Variants in CTDSPL observed in about 807,000 individuals in gnomAD.
CTDSPL encodes the protein CTD small phosphatase like, also known as CTD small phosphatase-like protein.
Under a neutral mutation model 30.5 loss-of-function variants are expected in CTDSPL, and 8 were observed. That is an observed-to-expected ratio of 0.26 (90% CI 0.15 to 0.47). The LOEUF is 0.47. Ranked by LOEUF, CTDSPL falls within the 20% of genes least tolerant of loss-of-function variation. The pLI is 0.99. For synonymous variants in CTDSPL, 110 were observed against 137.9 expected (o/e 0.80, Z 1.42); for missense variants, 248 against 366.1 (o/e 0.68, Z 2.63).
Position 37,917,463 on chromosome 3 carries a change from A to G in CTDSPL, c.80-29594A>G, listed in dbSNP as rs142624602. On this transcript the variant is annotated intron_variant, in intron 1 of 7. Transcript: ENST00000273179. ...AGTGTTAGGCACTTTCGTTGTAATT[A>G]TTTAGAAAATTGTCTGCTGATAAAT... Among the ~76,000 whole-genome samples the G allele has an allele frequency of 7.2e-4, 110 of 152,342 alleles. 1 individual carries two copies. The highest frequency in any genetic ancestry group is 2.3e-3 in the African/African-American group (97 of 41,582).
chr3:37,899,738 T>G lies in CTDSPL; in HGVS notation c.79+37460T>G, dbSNP rs529995034. On this transcript the variant is annotated intron_variant, in intron 1 of 7. Transcript: ENST00000273179. ...CCTTGAGTCCCAAAGACTCTTCAAT[T>G]GCATTCACAGGCTATGTAGGCAGTT... is the stretch of plus-strand genomic sequence containing the variant. Among the ~76,000 whole-genome samples, 47 of 152,294 alleles carry G rather than the reference T, an allele frequency of 3.1e-4. 1 individual carries two copies. The South Asian group carries it at 6.4e-3, about 21-fold the overall frequency.
chr3:37,904,268 G>C (rs1246203310), intron 1 of CTDSPL, among the ~76,000 whole-genome samples: 1 of 152,184 alleles, frequency 6.6e-6, no homozygotes, highest in African/African-American at 2.4e-5. Flanking sequence ...TTCTTTTCTT[G>C]GCTATTTAGC....
intron 1 of CTDSPL, among the ~76,000 whole-genome samples, chr3:37,915,090 T>C (rs1475193679): frequency 6.6e-6 from 1 of 152,000 alleles, no homozygotes; most frequent in Non-Finnish European, 1.5e-5. Context: ...AACATTGTTA[T>C]TTGTTCTTTA....
rs781615830 is a variant in CTDSPL, at chr3:37,982,128, A to G, written c.*1261A>G. ...GTCAGTATCAGATCCTGTTTGATAAATAAGCTGACTGTTCTCTCTTGAGAA... is the reference window on the plus strand; with the variant it reads ...GTCAGTATCAGATCCTGTTTGATAAGTAAGCTGACTGTTCTCTCTTGAGAA... On this transcript the variant is annotated 3_prime_UTR_variant, in exon 8 of 8. Coordinates refer to ENST00000273179, the MANE Select transcript of CTDSPL (RefSeq NM_001008392.2). 44 of 324,562 alleles carry G rather than the reference A, an allele frequency of 1.4e-4. No individual in the cohort carries two copies. The highest frequency in any genetic ancestry group is 2.3e-4 in the Non-Finnish European group (38 of 164,582). 20.1% of individuals were successfully genotyped at this position (324,562 alleles called of 1,614,324 possible). A position where few individuals can be genotyped will look rare whatever the true frequency, so the allele number is the denominator to read the frequency against.
chr3:37,971,001 C>T (rs144725292), intron 5 of CTDSPL, among the ~76,000 whole-genome samples: 5 of 152,346 alleles, frequency 3.3e-5, no homozygotes, highest in Non-Finnish European at 5.9e-5. Flanking sequence ...GGGCCTGGAC[C>T]TCTGAAAGGA....
At chr3:37,951,002 A>G (rs1336896712) in intron 2 of CTDSPL, among the ~76,000 whole-genome samples, 1 of 152,196 alleles carries the variant, frequency 6.6e-6, no homozygotes. Flanking sequence ...TAGATATGTA[A>G]TGATTCAGAG....
chr3:37,934,282 G>A (rs1698889687), intron 1 of CTDSPL, among the ~76,000 whole-genome samples: 1 of 151,154 alleles, frequency 6.6e-6, no homozygotes. Context: ...AGCCATGATT[G>A]CACCACACAC....
chr3:37,977,532 C>T (rs972727565), intron 7 of CTDSPL, among the ~76,000 whole-genome samples: 4 of 151,414 alleles, frequency 2.6e-5, no homozygotes, highest in Non-Finnish European at 4.4e-5. Context: ...ACCTTATATC[C>T]TCTAAACAAG....
intron 6 of CTDSPL, among the ~76,000 whole-genome samples, chr3:37,973,429 T>G (rs957667226): frequency 2.0e-5 from 3 of 152,280 alleles, no homozygotes; most frequent in African/African-American, 4.8e-5. Context: ...TTACTCTTCC[T>G]GGATGGCTCC....
chr3:37,911,438 A>G (rs1698581772), intron 1 of CTDSPL, among the ~76,000 whole-genome samples: 1 of 152,188 alleles, frequency 6.6e-6, no homozygotes, highest in Admixed American at 6.5e-5. Context: ...GAAAATTAAG[A>G]GCAGGGCCTG....
chr3:37,911,344 A>C (rs916511226), intron 1 of CTDSPL, among the ~76,000 whole-genome samples: 1 of 152,196 alleles, frequency 6.6e-6, no homozygotes, highest in Non-Finnish European at 1.5e-5. Context: ...TTTAAGTAAC[A>C]ATTTTCATTG....
chr3:37,894,019 A>T (rs1212299878), intron 1 of CTDSPL, among the ~76,000 whole-genome samples: 1 of 152,212 alleles, frequency 6.6e-6, no homozygotes, highest in Non-Finnish European at 1.5e-5. Context: ...ATGTAAACTT[A>T]ATGTAAAGTT....
At chr3:37,964,145 C>T (rs1699273511) in intron 3 of CTDSPL, among the ~76,000 whole-genome samples, 1 of 140,392 alleles carries the variant, frequency 7.1e-6, no homozygotes, top group Admixed American at 7.6e-5. Context: ...CCCCACGAAA[C>T]AGACCTCCAT....
intron 1 of CTDSPL, among the ~76,000 whole-genome samples, chr3:37,928,551 C>G (rs1160730289): frequency 6.6e-6 from 1 of 152,242 alleles, no homozygotes; most frequent in East Asian, 1.9e-4. Context: ...CTATGCCAGT[C>G]CTTTGCCCAT....
chr3:37,882,449 A>AC lies in CTDSPL; in HGVS notation c.79+20171_79+20172insC, dbSNP rs1307129475. 2.1e-3 allele frequency among the ~76,000 whole-genome samples: 315 copies of AC among 151,154 alleles called. 1 individual carries two copies. Among genetic ancestry groups the AC allele is most frequent in the African/African-American group, 7.3e-3 (300 of 41,116 alleles). On this transcript the variant is annotated intron_variant, in intron 1 of 7. Coordinates refer to ENST00000273179, the MANE Select transcript of CTDSPL (RefSeq NM_001008392.2). ...AGAGCAAGACTCTAACTCAAAAAAA[A>AC]AAAAAAAAAATTCAAAAATTAGCAG...
intron 1 of CTDSPL, among the ~76,000 whole-genome samples, chr3:37,936,670 A>AAG (rs1437174059): frequency 6.6e-6 from 1 of 151,728 alleles, no homozygotes; most frequent in African/African-American, 2.4e-5. Context: ...AAAAAAAAAA[A>AAG]AAAAAAAAAA....
chr3:37,959,269 T>C, intron 3 of CTDSPL, among the ~76,000 whole-genome samples: 1 of 152,236 alleles, frequency 6.6e-6, no homozygotes, highest in African/African-American at 2.4e-5. Flanking sequence ...AGGTTTGGTC[T>C]TTTAATTTTT....
chr3:37,907,468 T>C (rs1698531743), intron 1 of CTDSPL, among the ~76,000 whole-genome samples: 1 of 152,148 alleles, frequency 6.6e-6, no homozygotes, highest in Non-Finnish European at 1.5e-5. Context: ...AGAACTTGAG[T>C]CTTGTTCATT....
At chr3:37,920,339 C>G (rs1037028511) in intron 1 of CTDSPL, among the ~76,000 whole-genome samples, 1 of 152,218 alleles carries the variant, frequency 6.6e-6, no homozygotes, top group African/African-American at 2.4e-5. Flanking sequence ...CTTGGTGAGA[C>G]TGAGCACTGT....
Sources: allele counts gnomAD v4.1 joint callset (sites outside exome capture counted in the v4.1 genomes callset), GRCh38; gene constraint gnomAD v4.1.1; transcripts MANE v1.5; gene names NCBI Gene and HGNC (gene_info 2026-07-23, HGNC 2026-07-21).